UHRF2: variants seen among roughly 807,000 people sequenced by gnomAD.
UHRF2 encodes the protein ubiquitin like with PHD and ring finger domains 2.
A neutral mutation model predicts 96.8 loss-of-function variants in UHRF2; 23 were observed. That is an observed-to-expected ratio of 0.24 (90% confidence interval 0.17 to 0.34). The LOEUF (loss-of-function observed/expected upper bound fraction) is 0.34. Ranked by LOEUF, UHRF2 falls within the 10% of genes least tolerant of loss-of-function variation. The pLI, the probability that UHRF2 is intolerant of heterozygous loss-of-function variation, is 1.00. For synonymous variants in UHRF2, 385 were observed against 332.6 expected, an observed-to-expected ratio of 1.16 and a Z score of -1.72; for missense variants, 685 against 981.5, an observed-to-expected ratio of 0.70 and a Z score of 4.04.
intron 2 of UHRF2, among the ~76,000 whole-genome samples, chr9:6,428,538 T>G (rs1019694411): frequency 1.4e-4 from 1 of 7,404 alleles, no homozygotes; most frequent in Admixed American, 1.9e-3. Flanking sequence ...TTTTGCTTTT[T>G]TTTTTTTTTT....
intron 2 of UHRF2, among the ~76,000 whole-genome samples, chr9:6,423,834 A>G (rs1350168064): frequency 6.6e-6 from 1 of 151,954 alleles, no homozygotes; most frequent in Admixed American, 6.6e-5. Context: ...AATCCCAGCT[A>G]CTCCGGAGGC....
chr9:6,490,912 G>A (rs1824617504), intron 9 of UHRF2, among the ~76,000 whole-genome samples: 1 of 152,108 alleles, frequency 6.6e-6, no homozygotes, highest in Admixed American at 6.6e-5. Context: ...ATATCTATAG[G>A]ATTAGGAAAA....
At position 6,506,281 on chromosome 9, in the gene UHRF2, T is replaced by C; in HGVS notation, c.*102T>C. On this transcript the variant is annotated 3_prime_UTR_variant, in exon 16 of 16. Transcript: ENST00000276893. ...GAAATGGTGGACTGTATCTCTCACG[T>C]TCTGAAGCAGCTAATCCTCTTTCCC... 6.8e-7 allele frequency: 1 copy of C among 1,460,460 alleles called. No homozygotes were observed. Among genetic ancestry groups the C allele is most frequent in the Non-Finnish European group, 9.3e-7 (1 of 1,077,232 alleles). The allele number at this position is 1,460,460 out of a possible 1,614,324, so 90.5% of individuals were successfully genotyped here. A position where few individuals can be genotyped will look rare whatever the true frequency, so the allele number is the denominator to read the frequency against.
chr9:6,481,925 C>T (rs1587856825), intron 7 of UHRF2, 67 bp from the exon 8 acceptor site: 2 of 1,572,876 alleles, frequency 1.3e-6, no homozygotes, highest in Non-Finnish European at 1.7e-6. Context: ...AGTCACATCT[C>T]AGAATTAAGG....
intron 12 of UHRF2, 82 bp from the exon 13 acceptor site, chr9:6,499,753 T>G: frequency 2.3e-6 from 2 of 856,374 alleles, no homozygotes. Context: ...CCCCTCCCTT[T>G]TAATTTCTCA....
Position 6,413,518 on chromosome 9 carries a change from G to A in UHRF2, c.28G>A (p.Gly10Ser), listed in dbSNP as rs1297398744. The change falls in exon 1 of 16, where the codon GGC (glycine) becomes AGC (serine). Residue 10 changes from glycine (G) to serine (S), a missense_variant. Around this residue, in one of 6 missense-constraint regions of UHRF2, gnomAD observed 38 missense variants for 35.9 expected, o/e 1.06. Coordinates refer to ENST00000276893, the MANE Select transcript of UHRF2 (RefSeq NM_152896.3). MWIQVRTID[G>S]SKTCTIEDVS... is the part of the protein sequence containing the mutation. ...GTGGATACAGGTTCGCACCATTGAT[G>A]GCTCCAAGACGTGCACCATTGAGGA... 1.9e-6 allele frequency: 3 copies of A among 1,583,686 alleles called. No individual in the cohort carries two copies. Among genetic ancestry groups the A allele is most frequent in the Non-Finnish European group, 2.6e-6 (3 of 1,166,218 alleles).
intron 11 of UHRF2, 118 bp downstream of exon 11, chr9:6,497,478 T>G: frequency 8.7e-7 from 1 of 1,155,614 alleles, no homozygotes; most frequent in Non-Finnish European, 1.2e-6. Flanking sequence ...ATATTGCTAC[T>G]TTTTCTGGAA....
In UHRF2 at chr9:6,497,106, A is replaced by C; in HGVS notation, c.1605-92A>C. ...AATCATAGAATCTTAACCATCAGGT[A>C]AGGTATAATTCACCTTTTAATTGAG... On this transcript the variant is annotated intron_variant, in intron 10 of 15. Transcript: ENST00000276893. The C allele has an allele frequency of 2.8e-6, 3 of 1,081,034 alleles. No homozygotes were observed. In the East Asian group the frequency reaches 7.3e-5, roughly 26 times the overall value. 67.0% of individuals were successfully genotyped at this position (1,081,034 alleles called of 1,614,324 possible). A position where few individuals can be genotyped will look rare whatever the true frequency, so the allele number is the denominator to read the frequency against.
At chr9:6,464,864 T>G (rs993154310) in intron 4 of UHRF2, among the ~76,000 whole-genome samples, 12 of 152,198 alleles carry the variant, frequency 7.9e-5, no homozygotes, top group Non-Finnish European at 1.6e-4. Context: ...CTTAGCTCTG[T>G]GTACTTCCAT....
chr9:6,460,758 C>A lies in UHRF2; in HGVS notation c.830C>A (p.Thr277Asn). Residue 277 changes from threonine (T) to asparagine (N), a missense_variant, in exon 4 of 16, where the codon ACC (threonine) becomes AAC (asparagine). By Grantham distance (65) the Thr-to-Asn change is moderately conservative. Around this residue, in one of 6 missense-constraint regions of UHRF2, gnomAD observed 391 missense variants for 437.0 expected, o/e 0.89. Transcript: ENST00000276893. Reference protein sequence around the residue: ...EITTLKTISRTKKELRVKIFL... With the variant: ...EITTLKTISRNKKELRVKIFL... Reference sequence around the variant, plus strand: ...ACCACATTGAAGACAATCTCAAGGACCAAAAAAGAACTTCGTGTGAAAATT... The same window carrying A: ...ACCACATTGAAGACAATCTCAAGGAACAAAAAAGAACTTCGTGTGAAAATT... The A allele has an allele frequency of 6.2e-7, 1 of 1,612,418 alleles. No individual in the cohort carries two copies. Among genetic ancestry groups the A allele is most frequent in the Non-Finnish European group, 8.5e-7 (1 of 1,179,556 alleles).
chr9:6,478,879 A>G (rs1823752429), intron 6 of UHRF2, among the ~76,000 whole-genome samples: 1 of 152,192 alleles, frequency 6.6e-6, no homozygotes, highest in African/African-American at 2.4e-5. Context: ...TCACACTCTG[A>G]ATTTTACCAT....
chr9:6,460,568 C>T lies in UHRF2; in HGVS notation c.645-5C>T. 3.1e-6 allele frequency: 5 copies of T among 1,594,602 alleles called. No homozygotes were observed. Among genetic ancestry groups the T allele is most frequent in the South Asian group, 1.1e-5 (1 of 89,450 alleles). The stretch of plus-strand genomic sequence containing the variant: ...CATAAGCCATATGGTTTTCTCTCTC[C>T]TCAGATACCCAGAAAGCGGTACTCT... On this transcript the variant is annotated splice_region_variant and splice_polypyrimidine_tract_variant and intron_variant, in intron 3 of 15. Coordinates refer to ENST00000276893, the MANE Select transcript of UHRF2 (RefSeq NM_152896.3).
chr9:6,434,913 C>A (rs1820752605), intron 3 of UHRF2, among the ~76,000 whole-genome samples: 1 of 152,032 alleles, frequency 6.6e-6, no homozygotes, highest in Non-Finnish European at 1.5e-5. Context: ...TCGCTGCAAT[C>A]TCCGCCTCCT....
At chr9:6,439,581 ATATT>A (rs1563756778) in intron 3 of UHRF2, among the ~76,000 whole-genome samples, 1 of 152,216 alleles carries the variant, frequency 6.6e-6, no homozygotes, top group Non-Finnish European at 1.5e-5. Flanking sequence ...AAGTAGATAG[ATATT>A]TATAAGTTTT....
intron 14 of UHRF2, 118 bp from the exon 15 acceptor site, chr9:6,504,475 A>T: frequency 1.6e-6 from 1 of 625,140 alleles, no homozygotes; most frequent in Non-Finnish European, 2.8e-6. Flanking sequence ...AACATCTTTT[A>T]TGCTGGGAAC....
At chr9:6,435,986 A>G (rs1472730628) in intron 3 of UHRF2, among the ~76,000 whole-genome samples, 2 of 152,164 alleles carry the variant, frequency 1.3e-5, no homozygotes, top group Non-Finnish European at 2.9e-5. Context: ...ACAGTAAACT[A>G]TTGTCTTTAT....
At chr9:6,441,042 A>G (rs185302458) in intron 3 of UHRF2, among the ~76,000 whole-genome samples, 2 of 152,316 alleles carry the variant, frequency 1.3e-5, no homozygotes, top group Non-Finnish European at 2.9e-5. Flanking sequence ...TTGATTCTCA[A>G]AATAATGGTC....
At chr9:6,419,792 G>C (rs2130716598) in intron 1 of UHRF2, among the ~76,000 whole-genome samples, 1 of 152,288 alleles carries the variant, frequency 6.6e-6, no homozygotes, top group East Asian at 1.9e-4. Context: ...CCAGACTTGA[G>C]TGCAATAGCA....
intron 10 of UHRF2, chr9:6,495,789 C>A (rs16924634): frequency 0.14 from 21,748 of 152,048 alleles, 1,704 homozygotes; most frequent in East Asian, 0.25. Flanking sequence ...TTGACAGTGC[C>A]AGTTAGTGGT....
Sources: allele counts gnomAD v4.1 joint callset (sites outside exome capture counted in the v4.1 genomes callset), GRCh38; gene constraint gnomAD v4.1.1; regional missense constraint gnomAD v4.1.1; transcripts MANE v1.5; gene names NCBI Gene and HGNC (gene_info 2026-07-23, HGNC 2026-07-21).